Variants in MAP1B observed in about 807,000 individuals in gnomAD.
MAP1B encodes the protein microtubule-associated protein 1B.
In MAP1B, 12 loss-of-function variants were observed where a neutral mutation model predicts 176.1. That is an observed-to-expected ratio of 0.07 (90% CI 0.04 to 0.11). The LOEUF (loss-of-function observed/expected upper bound fraction) is 0.11, where lower values mean the gene tolerates loss of function less well. MAP1B is among the 10% of genes least tolerant of loss of function. The pLI, the probability that MAP1B is intolerant of heterozygous loss-of-function variation, is 1.00. For missense variants in MAP1B, 2,523 were observed against 2,990.5 expected, an observed-to-expected ratio of 0.84 and a Z score of 3.65; for synonymous variants, 1,044 against 1,135.0, an observed-to-expected ratio of 0.92 and a Z score of 1.61.
chr5:72,149,431 T>C (rs1032733704), intron 2 of MAP1B, among the ~76,000 whole-genome samples: 12 of 152,226 alleles, frequency 7.9e-5, no homozygotes, highest in African/African-American at 2.7e-4. Flanking sequence ...ACAATAGACA[T>C]TTGTTTCACT....
intron 4 of MAP1B, among the ~76,000 whole-genome samples, chr5:72,187,624 G>A (rs59462818): frequency 0.18 from 27,915 of 152,062 alleles, 3,179 homozygotes; most frequent in African/African-American, 0.31. Flanking sequence ...GTTTAAAACT[G>A]TCTTTCTGAG....
chr5:72,169,313 T>C (rs1351562000), intron 2 of MAP1B, among the ~76,000 whole-genome samples: 3 of 152,194 alleles, frequency 2.0e-5, no homozygotes, highest in Non-Finnish European at 4.4e-5. Flanking sequence ...TGTCTTCTTT[T>C]TAATTATTTA....
chr5:72,173,583 G>A (rs558869963), intron 2 of MAP1B, among the ~76,000 whole-genome samples: 7 of 152,208 alleles, frequency 4.6e-5, no homozygotes, highest in Middle Eastern at 3.4e-3. Context: ...AGCTGATATC[G>A]GTAATCTTTT....
chr5:72,199,889 C>T lies in MAP1B; in HGVS notation c.6534C>T (p.Ile2178=), dbSNP rs147666683. The T allele has an allele frequency of 2.1e-4, 346 of 1,614,044 alleles. No homozygotes were observed. The highest frequency in any genetic ancestry group is 2.6e-4 in the Non-Finnish European group (301 of 1,180,038). ...ECPSITADAN[I]DSEDESETIP... ...CCTCCATCACGGCCGATGCCAATAT[C>T]GACTCTGAAGACGAGTCGGAAACCA... The change falls in exon 5 of 7, where the codon ATC becomes ATT. Residue 2178 remains isoleucine, a synonymous_variant. Transcript: ENST00000296755. This position sits in a 1 kb window ranked among gnomAD's most constrained non-coding sequence, Gnocchi z 4.2.
rs749521656 is a variant in MAP1B at position 72,199,357 on chromosome 5, T to G, written c.6002T>G (p.Leu2001Arg). 4.3e-6 allele frequency: 7 copies of G among 1,614,014 alleles called. No individual in the cohort carries two copies. The African/African-American group carries it at 8.0e-5, about 18-fold the overall frequency. The change falls in exon 5 of 7, where the codon CTT (leucine) becomes CGT (arginine). Residue 2001 changes from leucine (L) to arginine (R), a missense_variant. By Grantham distance (102) the Leu-to-Arg change is moderately radical (BLOSUM62 -2). Coordinates refer to ENST00000296755, the MANE Select transcript of MAP1B (RefSeq NM_005909.5). This position sits in a 1 kb window ranked among gnomAD's most constrained non-coding sequence, Gnocchi z 4.2. Reference protein sequence around the residue: ...YDDSEDGGHTLGDPSYSYETT... With the variant: ...YDDSEDGGHTRGDPSYSYETT... The stretch of plus-strand genomic sequence containing the variant: ...GACTCTGAGGATGGTGGCCACACAC[T>G]TGGGGACCCCAGCTACTCTTATGAA...
At chr5:72,166,640 C>T (rs562014325) in intron 2 of MAP1B, among the ~76,000 whole-genome samples, 4 of 152,256 alleles carry the variant, frequency 2.6e-5, no homozygotes, top group South Asian at 2.1e-4. Flanking sequence ...ATGTGAGGCC[C>T]GAGGCCGAGC....
intron 2 of MAP1B, among the ~76,000 whole-genome samples, chr5:72,177,264 C>T (rs1746669362): frequency 6.6e-6 from 1 of 152,116 alleles, no homozygotes; most frequent in South Asian, 2.1e-4. Context: ...AGCTGGGGCA[C>T]CTGGGATGGA....
intron 4 of MAP1B, among the ~76,000 whole-genome samples, chr5:72,189,348 A>G (rs1746977012): frequency 6.6e-6 from 1 of 152,202 alleles, no homozygotes; most frequent in African/African-American, 2.4e-5. Context: ...TCTGTGTTGG[A>G]AAGTTTTTCC....
chr5:72,126,617 C>G (rs1264617421), intron 2 of MAP1B, among the ~76,000 whole-genome samples: 1 of 152,138 alleles, frequency 6.6e-6, no homozygotes, highest in East Asian at 1.9e-4. Context: ...TTCCATTATT[C>G]TATGAATTTT....
chr5:72,117,289 CA>C (rs1209146520), intron 2 of MAP1B, among the ~76,000 whole-genome samples: 2 of 151,824 alleles, frequency 1.3e-5, no homozygotes, highest in African/African-American at 2.4e-5. Context: ...AACCATCTCA[CA>C]AAAAAAATGA....
chr5:72,166,807 G>A (rs1206298572), intron 2 of MAP1B, among the ~76,000 whole-genome samples: 3 of 152,166 alleles, frequency 2.0e-5, no homozygotes, highest in South Asian at 2.1e-4. Flanking sequence ...CTTTGAGCTC[G>A]CAAGCTGACT....
At position 72,193,141 on chromosome 5, in the gene MAP1B, C is replaced by T. The variant is rs577651011; in HGVS notation, c.511-725C>T. 6 of 231,208 alleles carry T rather than the reference C, an allele frequency of 2.6e-5. No homozygotes were observed. The South Asian group carries it at 3.1e-4, about 12-fold the overall frequency. The allele number at this position is 231,208 out of a possible 1,614,324, so 14.3% of individuals were successfully genotyped here. ...AGTATTTGTATCTGCAGAGAATATG[C>T]TGGGTGACCCACTCATGTTTCAATC... On this transcript the variant is annotated intron_variant, in intron 4 of 6. Transcript: ENST00000296755.
chr5:72,154,017 T>A (rs1213449994), intron 2 of MAP1B, among the ~76,000 whole-genome samples: 3 of 152,226 alleles, frequency 2.0e-5, no homozygotes, highest in African/African-American at 7.2e-5. Context: ...TAAAATACCC[T>A]GCATTTAATC....
intron 2 of MAP1B, among the ~76,000 whole-genome samples, chr5:72,165,029 T>G (rs1409325723): frequency 1.3e-5 from 2 of 152,164 alleles, no homozygotes; most frequent in African/African-American, 4.8e-5. Context: ...CTGTTGCTAT[T>G]TTAATACCAT....
intron 2 of MAP1B, among the ~76,000 whole-genome samples, chr5:72,134,016 C>G (rs183548899): frequency 6.6e-6 from 1 of 152,296 alleles, no homozygotes; most frequent in East Asian, 1.9e-4. Flanking sequence ...CTCCAGCTTC[C>G]GCCAAAAGTG....
intron 2 of MAP1B, among the ~76,000 whole-genome samples, chr5:72,154,642 A>G (rs1013573966): frequency 2.6e-5 from 4 of 152,212 alleles, no homozygotes; most frequent in African/African-American, 9.6e-5. Flanking sequence ...GAGGTGCTTA[A>G]TAGAACCAGG....
At position 72,141,996 on chromosome 5, in the gene MAP1B, A is replaced by G. The variant is rs536477594; in HGVS notation, c.286+26197A>G. On this transcript the variant is annotated intron_variant, in intron 2 of 6. Transcript: ENST00000296755. The stretch of plus-strand genomic sequence containing the variant: ...CACTGCAGAGAGGCCCAGAGGCTAT[A>G]AAGCCCTGCCACGTGTTTCTCCAAA... Among the ~76,000 whole-genome samples, 50 of 152,298 alleles carry G rather than the reference A, an allele frequency of 3.3e-4. 1 individual carries two copies. The highest frequency in any genetic ancestry group is 3.0e-3 in the Admixed American group (46 of 15,300).
chr5:72,122,021 C>T (rs1198626003), intron 2 of MAP1B, among the ~76,000 whole-genome samples: 2 of 152,198 alleles, frequency 1.3e-5, no homozygotes, highest in African/African-American at 2.4e-5. Flanking sequence ...AGGCTCTGCT[C>T]ATCTTTCCTC....
intron 2 of MAP1B, among the ~76,000 whole-genome samples, chr5:72,167,029 T>C (rs191013601): frequency 0.011 from 1,745 of 151,746 alleles, 37 homozygotes; most frequent in African/African-American, 0.04. Flanking sequence ...TTTTTTTTTT[T>C]TTTCCACGGG....
Sources: allele counts gnomAD v4.1 joint callset (sites outside exome capture counted in the v4.1 genomes callset), GRCh38; gene constraint gnomAD v4.1.1; non-coding constraint Gnocchi (gnomAD v3.1); transcripts MANE v1.5; gene names NCBI Gene and HGNC (gene_info 2026-07-23, HGNC 2026-07-21).